The following MEF2C variants were observed in gnomAD, a reference collection of about 807,000 sequenced individuals.
MEF2C encodes the protein myocyte enhancer factor 2C.
A neutral mutation model predicts 50.5 loss-of-function variants in MEF2C; 6 were observed. The observed-to-expected ratio is 0.12, with a 90% confidence interval of 0.07 to 0.23. The LOEUF (loss-of-function observed/expected upper bound fraction) is 0.23, where lower values mean the gene tolerates loss of function less well. MEF2C is among the 10% of genes least tolerant of loss of function. The probability of loss-of-function intolerance (pLI) is 1.00; values close to 1 mark genes in which losing one functional copy is unlikely to be tolerated. For missense variants in MEF2C, 276 were observed against 605.0 expected (o/e 0.46, Z 5.70); for synonymous variants, 183 against 228.0 (o/e 0.80, Z 1.78).
At chr5:88,778,812 G>A (rs1786220658) in intron 3 of MEF2C, among the ~76,000 whole-genome samples, 2 of 152,180 alleles carry the variant, frequency 1.3e-5, no homozygotes, top group Admixed American at 1.3e-4. Flanking sequence ...CAAGGAAAAG[G>A]AGAAACTGCA....
intron 1 of MEF2C, among the ~76,000 whole-genome samples, chr5:88,894,697 A>G (rs1834933993): frequency 6.6e-6 from 1 of 152,246 alleles, no homozygotes; most frequent in South Asian, 2.1e-4. Context: ...GATATAAAAG[A>G]GGAATTTCAA....
At chr5:88,736,998 G>T in intron 6 of MEF2C, 1 of 985,188 alleles carries the variant, frequency 1.0e-6, no homozygotes, top group Non-Finnish European at 1.2e-6. Flanking sequence ...CCCCTCTGCT[G>T]CAATTAGTGG....
chr5:88,848,900 C>T (rs1272671761), intron 1 of MEF2C, among the ~76,000 whole-genome samples: 1 of 152,100 alleles, frequency 6.6e-6, no homozygotes, highest in Non-Finnish European at 1.5e-5. Context: ...CGCATGTAAT[C>T]CCAGCACTTT....
intron 1 of MEF2C, among the ~76,000 whole-genome samples, chr5:88,903,318 A>G (rs1167823201): frequency 6.6e-6 from 1 of 151,970 alleles, no homozygotes; most frequent in Non-Finnish European, 1.5e-5. Flanking sequence ...TAATTATTAA[A>G]TAATATTTAC....
At chr5:88,812,506 T>C (rs1403808935) in intron 2 of MEF2C, among the ~76,000 whole-genome samples, 3 of 152,136 alleles carry the variant, frequency 2.0e-5, no homozygotes, top group Non-Finnish European at 4.4e-5. Context: ...GAGAAAAAAC[T>C]GGACTTGGTC....
chr5:88,775,534 T>C (rs1337136456), intron 3 of MEF2C, among the ~76,000 whole-genome samples: 3 of 152,242 alleles, frequency 2.0e-5, no homozygotes, highest in African/African-American at 4.8e-5. Context: ...AAGGCCTATA[T>C]AGACTAAGTT....
At chr5:88,735,111 G>T in intron 6 of MEF2C, 1 of 985,342 alleles carries the variant, frequency 1.0e-6, no homozygotes, top group Non-Finnish European at 1.2e-6. Flanking sequence ...AGAAACCTAT[G>T]ATTTGAAAAT....
At chr5:88,868,547 C>G (rs571868547) in intron 1 of MEF2C, among the ~76,000 whole-genome samples, 1 of 152,184 alleles carries the variant, frequency 6.6e-6, no homozygotes, top group Non-Finnish European at 1.5e-5. Flanking sequence ...CCGTGTGACA[C>G]CCCCCACCCA....
chr5:88,745,270 G>A (rs936171929), intron 6 of MEF2C, among the ~76,000 whole-genome samples: 1 of 152,250 alleles, frequency 6.6e-6, no homozygotes, highest in Admixed American at 6.5e-5. Context: ...GTGCCCAGAT[G>A]TTGCAATCAT....
chr5:88,776,886 T>A (rs1311686873), intron 3 of MEF2C, among the ~76,000 whole-genome samples: 1 of 152,228 alleles, frequency 6.6e-6, no homozygotes, highest in Non-Finnish European at 1.5e-5. Flanking sequence ...ACCTGTTGTC[T>A]AACTCAACAA....
In MEF2C at chr5:88,823,851, C is replaced by G. The variant is rs775914672; in HGVS notation, c.-63G>C. ...ATGTATTTTTTCCTTCCTTTTCTTT[C>G]TCTTTCCTGTTTCCTCCAAACAAAT... On this transcript the variant is annotated 5_prime_UTR_variant, in exon 2 of 11. Coordinates refer to ENST00000504921, the MANE Select transcript of MEF2C (RefSeq NM_002397.5). 5.6e-6 allele frequency: 9 copies of G among 1,600,492 alleles called. No homozygotes were observed. Among genetic ancestry groups the G allele is most frequent in the Non-Finnish European group, 7.7e-6 (9 of 1,173,218 alleles).
At chr5:88,896,615 T>A (rs949307335) in intron 1 of MEF2C, among the ~76,000 whole-genome samples, 1 of 152,184 alleles carries the variant, frequency 6.6e-6, no homozygotes, top group African/African-American at 2.4e-5. Flanking sequence ...CTTAAATCTT[T>A]AAATAAAGAG....
chr5:88,731,092 G>T (rs1378028824), intron 7 of MEF2C, among the ~76,000 whole-genome samples: 2 of 152,216 alleles, frequency 1.3e-5, no homozygotes, highest in East Asian at 3.9e-4. Flanking sequence ...CTTCCTTAGA[G>T]GTGCTACAAT....
At chr5:88,737,517 G>A in intron 6 of MEF2C, 1 of 985,378 alleles carries the variant, frequency 1.0e-6, no homozygotes, top group East Asian at 1.1e-4. Flanking sequence ...TGTTGCCACA[G>A]GTTGTCGTTA....
At chr5:88,838,119 G>A (rs1006551809) in intron 1 of MEF2C, among the ~76,000 whole-genome samples, 1 of 152,108 alleles carries the variant, frequency 6.6e-6, no homozygotes, top group African/African-American at 2.4e-5. Flanking sequence ...CACATACTCT[G>A]TTACTTCTCT....
chr5:88,761,442 C>T, intron 3 of MEF2C, 114 bp from the exon 4 acceptor site: 10 of 1,252,410 alleles, frequency 8.0e-6, no homozygotes, highest in Non-Finnish European at 1.1e-5. Context: ...ATGCTTTATT[C>T]TATTAGGGAA....
At chr5:88,834,693 T>C (rs1269885582) in intron 1 of MEF2C, among the ~76,000 whole-genome samples, 1 of 152,142 alleles carries the variant, frequency 6.6e-6, no homozygotes, top group African/African-American at 2.4e-5. Flanking sequence ...AGGAAAGCCC[T>C]AATCCACAAT....
intron 3 of MEF2C, among the ~76,000 whole-genome samples, chr5:88,793,925 G>C (rs934209127): frequency 2.0e-5 from 3 of 152,046 alleles, no homozygotes; most frequent in Non-Finnish European, 4.4e-5. Flanking sequence ...TTAGTTTGCT[G>C]AGAATGATGG....
Position 88,722,878 on chromosome 5 carries a change from G to A in MEF2C, c.1148C>T (p.Pro383Leu). ...CTTGATGTTGAGGCTTTGAGTAGAA[G>A]GCAGGGAGAGATTTGAACTCTGAGA... The part of the protein sequence containing the change: ...HLSQSSNLSL[P>L]STQSLNIKSE... The change falls in exon 11 of 11, where the codon CCT becomes CTT. Residue 383 changes from proline to leucine, a missense_variant. By Grantham distance (98) the Pro-to-Leu change is moderately conservative. Around this residue, in one of 2 missense-constraint regions of MEF2C, gnomAD observed 256 missense variants for 468.1 expected, o/e 0.55. Coordinates refer to ENST00000504921, the MANE Select transcript of MEF2C (RefSeq NM_002397.5). 1 of 1,613,494 alleles carries A rather than the reference G, an allele frequency of 6.2e-7. No homozygotes were observed. Among genetic ancestry groups the A allele is most frequent in the Non-Finnish European group, 8.5e-7 (1 of 1,179,526 alleles).
Sources: allele counts gnomAD v4.1 joint callset (sites outside exome capture counted in the v4.1 genomes callset), GRCh38; gene constraint gnomAD v4.1.1; regional missense constraint gnomAD v4.1.1; transcripts MANE v1.5; gene names NCBI Gene and HGNC (gene_info 2026-07-23, HGNC 2026-07-21).